ADGRL2: variants seen among roughly 807,000 people sequenced by gnomAD.
ADGRL2 encodes the protein adhesion G protein-coupled receptor L2, also known as calcium-independent alpha-latrotoxin receptor 2.
A neutral mutation model predicts 157.4 loss-of-function variants in ADGRL2; 44 were observed. The ratio of observed to expected loss-of-function variants is 0.28; its 90% CI spans 0.22 to 0.36. The LOEUF (loss-of-function observed/expected upper bound fraction) is 0.36, where lower values mean the gene tolerates loss of function less well. Among genes scored for constraint, ADGRL2 ranks in the 10% least tolerant of loss-of-function variants. ADGRL2 has a pLI of 1.00. For synonymous variants in ADGRL2, 585 were observed against 624.7 expected, an observed-to-expected ratio of 0.94 and a Z score of 0.95; for missense variants, 1,510 against 1,768.9, an observed-to-expected ratio of 0.85 and a Z score of 2.63.
At chr1:81,464,933 G>A (rs200483779) in intron 2 of ADGRL2, among the ~76,000 whole-genome samples, 12 of 138,772 alleles carry the variant, frequency 8.6e-5, no homozygotes, top group South Asian at 2.3e-4. Flanking sequence ...CCACCAGGGA[G>A]AAAAAAAAAA....
chr1:81,830,796 C>A (rs183152454), intron 1 of ADGRL2, among the ~76,000 whole-genome samples: 1 of 152,138 alleles, frequency 6.6e-6, no homozygotes, highest in African/African-American at 2.4e-5. Flanking sequence ...CGTGAGCCAC[C>A]GCGCCTGGCC....
At chr1:81,542,102 T>C (rs1473766150) in intron 2 of ADGRL2, among the ~76,000 whole-genome samples, 1 of 152,240 alleles carries the variant, frequency 6.6e-6, no homozygotes, top group Non-Finnish European at 1.5e-5. Context: ...TTTCAAATAT[T>C]ATTGGCATTG....
intron 1 of ADGRL2, among the ~76,000 whole-genome samples, chr1:81,439,984 A>G (rs2101669320): frequency 6.6e-6 from 1 of 152,344 alleles, no homozygotes; most frequent in Non-Finnish European, 1.5e-5. Context: ...CTCCTCCTCT[A>G]CCAACTGAGT....
chr1:81,386,039 T>G (rs72713451), intron 1 of ADGRL2, among the ~76,000 whole-genome samples: 3,984 of 152,274 alleles, frequency 0.026, 64 homozygotes, highest in Non-Finnish European at 0.037. Context: ...AGCGCAATCC[T>G]CATTTGTTTT....
chr1:81,895,184 T>C (rs989152390), intron 2 of ADGRL2, among the ~76,000 whole-genome samples: 2 of 152,108 alleles, frequency 1.3e-5, no homozygotes, highest in Non-Finnish European at 2.9e-5. Flanking sequence ...AGTTTCAATG[T>C]TGTTAACCCA....
chr1:81,613,873 G>A (rs965903157), intron 3 of ADGRL2, among the ~76,000 whole-genome samples: 1 of 152,098 alleles, frequency 6.6e-6, no homozygotes, highest in Non-Finnish European at 1.5e-5. Flanking sequence ...ATGTGAGAGC[G>A]CATTTTTTTC....
intron 2 of ADGRL2, among the ~76,000 whole-genome samples, chr1:81,865,033 G>T (rs1443418015): frequency 6.6e-6 from 1 of 152,054 alleles, no homozygotes; most frequent in Admixed American, 6.6e-5. Context: ...ACGGCTTCCA[G>T]TATACCACTT....
intron 2 of ADGRL2, among the ~76,000 whole-genome samples, chr1:81,526,631 A>T (rs926248394): frequency 3.3e-5 from 5 of 152,178 alleles, no homozygotes; most frequent in African/African-American, 1.2e-4. Context: ...ATTCTCTCCT[A>T]TTGAGATTTT....
intron 3 of ADGRL2, among the ~76,000 whole-genome samples, chr1:81,680,300 A>T (rs539751889): frequency 1.3e-5 from 2 of 152,288 alleles, no homozygotes; most frequent in Admixed American, 1.3e-4. Flanking sequence ...ATGAAAACTT[A>T]AATCTCTTCT....
intron 9 of ADGRL2, 131 bp downstream of exon 9, chr1:81,952,273 A>T (rs112098725): frequency 1.6e-6 from 1 of 625,122 alleles, no homozygotes; most frequent in African/African-American, 1.9e-5. Context: ...AATTTGGTTC[A>T]TTTTTCCAAG....
At chr1:81,436,196 C>T (rs2077406326) in intron 1 of ADGRL2, among the ~76,000 whole-genome samples, 1 of 152,142 alleles carries the variant, frequency 6.6e-6, no homozygotes, top group African/African-American at 2.4e-5. Flanking sequence ...TTCAATTCTC[C>T]AATCAGCAAA....
At chr1:81,402,274 A>G (rs927355316) in intron 1 of ADGRL2, among the ~76,000 whole-genome samples, 1 of 152,144 alleles carries the variant, frequency 6.6e-6, no homozygotes, top group Non-Finnish European at 1.5e-5. Context: ...TGAGGTCAGG[A>G]GGGAATATGC....
intron 16 of ADGRL2, among the ~76,000 whole-genome samples, chr1:81,971,373 A>G (rs1658687130): frequency 6.6e-6 from 1 of 152,156 alleles, no homozygotes; most frequent in South Asian, 2.1e-4. Flanking sequence ...TGGAGGTATT[A>G]TATTTCTGCT....
intron 2 of ADGRL2, among the ~76,000 whole-genome samples, chr1:81,578,181 G>A (rs1286985751): frequency 6.6e-6 from 1 of 152,130 alleles, no homozygotes; most frequent in Non-Finnish European, 1.5e-5. Context: ...ATTGTTAAAC[G>A]ACCCTCCCAC....
intron 2 of ADGRL2, among the ~76,000 whole-genome samples, chr1:81,509,082 C>T (rs1421302084): frequency 1.3e-5 from 2 of 152,122 alleles, no homozygotes; most frequent in African/African-American, 2.4e-5. Context: ...TCCTTTCAAC[C>T]ACTGCCACAT....
At chr1:81,405,739 T>G (rs1294523379) in intron 1 of ADGRL2, among the ~76,000 whole-genome samples, 1 of 152,122 alleles carries the variant, frequency 6.6e-6, no homozygotes, top group Non-Finnish European at 1.5e-5. Context: ...GGCCTCTTAT[T>G]TTCCAACAAG....
intron 1 of ADGRL2, among the ~76,000 whole-genome samples, chr1:81,439,760 C>T (rs1417690535): frequency 1.3e-5 from 2 of 152,234 alleles, no homozygotes; most frequent in South Asian, 2.1e-4. Context: ...TGGTCCCTTG[C>T]CCCATTGTGT....
intron 1 of ADGRL2, among the ~76,000 whole-genome samples, chr1:81,424,560 C>A (rs1216216281): frequency 6.6e-6 from 1 of 152,222 alleles, no homozygotes; most frequent in Non-Finnish European, 1.5e-5. Context: ...CCAAAAATAA[C>A]TGCCTCTATC....
intron 3 of ADGRL2, among the ~76,000 whole-genome samples, chr1:81,931,743 C>T (rs1465660415): frequency 6.6e-6 from 1 of 152,032 alleles, no homozygotes; most frequent in Non-Finnish European, 1.5e-5. Context: ...CATCCTCCCA[C>T]CTCAGTCTCC....
Sources: gnomAD v4.1 joint callset for allele counts (sites outside exome capture counted in the v4.1 genomes callset) on GRCh38, gnomAD v4.1.1 for gene constraint, MANE v1.5 for transcripts, NCBI Gene and HGNC (gene_info 2026-07-23, HGNC 2026-07-21) for gene names.